Variants in FBXW7 observed in about 807,000 individuals in gnomAD.
FBXW7 encodes the protein F-box/WD repeat-containing protein 7.
Under a neutral mutation model 86.3 loss-of-function variants are expected in FBXW7, and 11 were observed. The ratio of observed to expected loss-of-function variants is 0.13; its 90% CI spans 0.08 to 0.21. The LOEUF is 0.21. FBXW7 is among the 10% of genes least tolerant of loss of function. The pLI is 1.00. For missense variants in FBXW7, 488 were observed against 847.4 expected (o/e 0.58, Z 5.27); for synonymous variants, 313 against 297.9 (o/e 1.05, Z -0.52).
intron 2 of FBXW7, among the ~76,000 whole-genome samples, chr4:152,418,465 C>T (rs907417820): frequency 3.9e-5 from 6 of 152,022 alleles, no homozygotes; most frequent in African/African-American, 1.4e-4. Context: ...AGGATATCAG[C>T]AAGTCTCAAG....
At chr4:152,336,100 C>T (rs1407473865) in intron 7 of FBXW7, among the ~76,000 whole-genome samples, 1 of 152,040 alleles carries the variant, frequency 6.6e-6, no homozygotes, top group Non-Finnish European at 1.5e-5. Context: ...TATTTATCCA[C>T]TTAGACAATA....
chr4:152,413,500 G>A (rs1738158981), intron 2 of FBXW7, among the ~76,000 whole-genome samples: 1 of 152,072 alleles, frequency 6.6e-6, no homozygotes, highest in Non-Finnish European at 1.5e-5. Flanking sequence ...AAATGATTTA[G>A]TAAATTTCTC....
chr4:152,457,061 G>C (rs1419022318), intron 2 of FBXW7, among the ~76,000 whole-genome samples: 1 of 152,132 alleles, frequency 6.6e-6, no homozygotes, highest in African/African-American at 2.4e-5. Context: ...ACAAAGTTTT[G>C]ATCATTCATC....
chr4:152,528,757 G>A (rs1335788864), intron 2 of FBXW7, among the ~76,000 whole-genome samples: 2 of 152,162 alleles, frequency 1.3e-5, no homozygotes, highest in Non-Finnish European at 2.9e-5. Flanking sequence ...TCATGAGGAA[G>A]TACCAAGGAG....
chr4:152,333,422 A>G (rs944137286), intron 7 of FBXW7, among the ~76,000 whole-genome samples: 1 of 152,118 alleles, frequency 6.6e-6, no homozygotes, highest in Non-Finnish European at 1.5e-5. Flanking sequence ...TAATACTTAT[A>G]AACTATTGAT....
intron 2 of FBXW7, among the ~76,000 whole-genome samples, chr4:152,527,865 T>TATATACAC (rs1554003395): frequency 2.2e-5 from 3 of 137,396 alleles, no homozygotes; most frequent in African/African-American, 3.1e-5. Flanking sequence ...AAAAATTATA[T>TATATACAC]ACACACACAC....
chr4:152,449,997 T>C (rs1323341726), intron 2 of FBXW7, among the ~76,000 whole-genome samples: 1 of 152,210 alleles, frequency 6.6e-6, no homozygotes, highest in African/African-American at 2.4e-5. Context: ...TGAATTAAAA[T>C]ACGTATTTTA....
chr4:152,518,173 G>A (rs1748681913), intron 2 of FBXW7, among the ~76,000 whole-genome samples: 1 of 151,942 alleles, frequency 6.6e-6, no homozygotes, highest in Admixed American at 6.6e-5. Flanking sequence ...ATTTTTAGTA[G>A]AGACAGGGTT....
chr4:152,334,895 A>T (rs1196092148), intron 7 of FBXW7, among the ~76,000 whole-genome samples: 3 of 152,226 alleles, frequency 2.0e-5, no homozygotes, highest in African/African-American at 7.2e-5. Context: ...TAAGCAATAC[A>T]GAAAATACAC....
chr4:152,433,225 G>C (rs887958780), intron 2 of FBXW7, among the ~76,000 whole-genome samples: 4 of 152,114 alleles, frequency 2.6e-5, no homozygotes. Flanking sequence ...CATTTCTCCT[G>C]GGTAAATAAC....
chr4:152,353,272 CG>C (rs1275547528), intron 4 of FBXW7, among the ~76,000 whole-genome samples: 1 of 151,884 alleles, frequency 6.6e-6, no homozygotes, highest in African/African-American at 2.4e-5. Context: ...CAGGCAATCC[CG>C]AAAAGAGAAA....
At chr4:152,350,868 A>C (rs923546858) in intron 4 of FBXW7, among the ~76,000 whole-genome samples, 24 of 151,976 alleles carry the variant, frequency 1.6e-4, no homozygotes, top group African/African-American at 5.1e-4. Context: ...CTCTTCTATA[A>C]GGTGTATCCA....
intron 4 of FBXW7, among the ~76,000 whole-genome samples, chr4:152,406,241 T>G (rs1203495318): frequency 6.6e-6 from 1 of 152,166 alleles, no homozygotes; most frequent in Admixed American, 6.5e-5. Flanking sequence ...ATAAAACAAT[T>G]TTAAAATGGT....
chr4:152,469,655 T>C (rs1285583804), intron 2 of FBXW7, among the ~76,000 whole-genome samples: 1 of 152,114 alleles, frequency 6.6e-6, no homozygotes, highest in Non-Finnish European at 1.5e-5. Context: ...GGGGAAATCC[T>C]GTTTTATTCA....
Position 152,411,862 on chromosome 4 carries a change from G to A in FBXW7, c.-59C>T, listed in dbSNP as rs533791641. ...GGCTAGACTATCAGAAGATGCAAAG[G>A]TTTTCACATTCTGCAGGGGAAAATA... On this transcript the variant is annotated 5_prime_UTR_variant, in exon 4 of 14. Transcript: ENST00000281708. 13 of 1,496,154 alleles carry A rather than the reference G, an allele frequency of 8.7e-6. No individual in the cohort carries two copies. The highest frequency in any genetic ancestry group is 1.2e-5 in the Non-Finnish European group (13 of 1,123,200). The allele number at this position is 1,496,154 out of a possible 1,614,324, so 92.7% of individuals were successfully genotyped here.
rs1750483018 is a variant in FBXW7 at position 152,535,685 on chromosome 4, G to C, written c.-771C>G. On this transcript the variant is annotated 5_prime_UTR_variant, in exon 1 of 14. Transcript: ENST00000281708. ...GGACCCCCCTCCCTACACCTTGGGG[G>C]TCTCGCCCCACGCCCCACGGGACGA... 5.1e-6 allele frequency: 2 copies of C among 396,034 alleles called. No individual in the cohort carries two copies. The highest frequency in any genetic ancestry group is 8.9e-6 in the Non-Finnish European group (2 of 224,352). The allele number at this position is 396,034 out of a possible 1,614,324, so 24.5% of individuals were successfully genotyped here.
At chr4:152,493,043 G>A (rs1212979716) in intron 2 of FBXW7, among the ~76,000 whole-genome samples, 1 of 151,700 alleles carries the variant, frequency 6.6e-6, no homozygotes, top group Non-Finnish European at 1.5e-5. Context: ...AAAGGACCAA[G>A]ACTCAAGAAA....
At chr4:152,421,876 G>A (rs1380832504) in intron 2 of FBXW7, among the ~76,000 whole-genome samples, 1 of 152,094 alleles carries the variant, frequency 6.6e-6, no homozygotes, top group Non-Finnish European at 1.5e-5. Context: ...TCTTCTATGG[G>A]TGTGGTTCAT....
chr4:152,413,592 A>C (rs551739600), intron 2 of FBXW7, among the ~76,000 whole-genome samples: 1 of 152,270 alleles, frequency 6.6e-6, no homozygotes, highest in African/African-American at 2.4e-5. Context: ...AAGTAACTAC[A>C]TAAAATCCTG....
Sources: gnomAD v4.1 joint callset for allele counts (sites outside exome capture counted in the v4.1 genomes callset) on GRCh38, gnomAD v4.1.1 for gene constraint, MANE v1.5 for transcripts, NCBI Gene and HGNC (gene_info 2026-07-23, HGNC 2026-07-21) for gene names.